CTNNA2: variants seen among roughly 807,000 people sequenced by gnomAD.
The protein encoded by CTNNA2 is catenin alpha-2.
A neutral mutation model predicts 101.0 loss-of-function variants in CTNNA2; 42 were observed. The observed-to-expected ratio is 0.42, with a 90% CI of 0.32 to 0.54. CTNNA2 has a LOEUF of 0.54. Ranked by LOEUF, CTNNA2 falls within the 20% of genes least tolerant of loss-of-function variation. The pLI is 0.14. For missense variants in CTNNA2, 871 were observed against 1,223.1 expected (o/e 0.71, Z 4.29); for synonymous variants, 450 against 456.4 (o/e 0.99, Z 0.18).
At chr2:80,634,065 G>A (rs1672588443) in intron 18 of CTNNA2, among the ~76,000 whole-genome samples, 1 of 152,166 alleles carries the variant, frequency 6.6e-6, no homozygotes, top group Non-Finnish European at 1.5e-5. Flanking sequence ...CTTTGGACAA[G>A]CCTTTCACGT....
intron 18 of CTNNA2, among the ~76,000 whole-genome samples, chr2:80,625,846 G>A (rs1042488390): frequency 5.9e-5 from 9 of 151,590 alleles, no homozygotes; most frequent in African/African-American, 1.9e-4. Context: ...TAGGATTTGG[G>A]GCCAAAAATC....
chr2:79,564,057 A>C (rs1674958043), intron 1 of CTNNA2, among the ~76,000 whole-genome samples: 2 of 152,118 alleles, frequency 1.3e-5, no homozygotes, highest in African/African-American at 2.4e-5. Context: ...CCACCATCCC[A>C]GTTTGGCTGT....
chr2:80,628,067 G>T (rs1268714330), intron 18 of CTNNA2, among the ~76,000 whole-genome samples: 1 of 152,014 alleles, frequency 6.6e-6, no homozygotes, highest in Non-Finnish European at 1.5e-5. Context: ...GGATATAAAG[G>T]ACCTCTTCAA....
At chr2:80,638,750 A>T (rs1673132941) in intron 18 of CTNNA2, among the ~76,000 whole-genome samples, 3 of 152,360 alleles carry the variant, frequency 2.0e-5, no homozygotes, top group South Asian at 2.1e-4. Context: ...AAAAATGCAA[A>T]TGAAGACAGT....
chr2:80,428,867 G>A (rs1681229581), intron 9 of CTNNA2, among the ~76,000 whole-genome samples: 1 of 152,000 alleles, frequency 6.6e-6, no homozygotes, highest in Non-Finnish European at 1.5e-5. Context: ...TACATTGATG[G>A]AATTGGACCT....
At chr2:79,797,397 A>G (rs911545907) in intron 3 of CTNNA2, among the ~76,000 whole-genome samples, 1 of 152,146 alleles carries the variant, frequency 6.6e-6, no homozygotes, top group African/African-American at 2.4e-5. Context: ...GTGATGGCTC[A>G]CAACTATAAT....
At position 79,734,656 on chromosome 2, in the gene CTNNA2, G is replaced by A. The variant is rs866628371; in HGVS notation, c.103-9731G>A. ...CTTTTAAGAAAGCAAGATGAATGTA[G>A]CACAAATAAGAGCCAGGATTGAGAC... is the stretch of plus-strand genomic sequence containing the variant. On this transcript the variant is annotated intron_variant, in intron 2 of 18. Coordinates refer to ENST00000402739, the MANE Select transcript of CTNNA2 (RefSeq NM_001282597.3). Among the ~76,000 whole-genome samples the A allele has an allele frequency of 1.1e-3, 166 of 152,152 alleles. 2 individuals carry two copies. Among genetic ancestry groups the A allele is most frequent in the Admixed American group, 3.1e-3 (48 of 15,284 alleles).
chr2:80,600,822 C>G (rs537624181), intron 15 of CTNNA2, among the ~76,000 whole-genome samples: 1 of 152,244 alleles, frequency 6.6e-6, no homozygotes, highest in South Asian at 2.1e-4. Flanking sequence ...ATCTACCAGC[C>G]TCTGCCTCCC....
At position 80,104,225 on chromosome 2, in the gene CTNNA2, C is replaced by A. The variant is rs553695797; in HGVS notation, c.1056+194428C>A. 8.5e-5 allele frequency among the ~76,000 whole-genome samples: 13 copies of A among 152,332 alleles called. No individual in the cohort carries two copies. In the South Asian group the frequency reaches 2.7e-3, roughly 32 times the overall value. ...TCAAGAGTTGGTTCTCCACTCGAAT[C>A]CTGCCCTTGCTACTCTTATTTATCA... On this transcript the variant is annotated intron_variant, in intron 7 of 18. Transcript: ENST00000402739.
Position 79,316,827 on chromosome 2 carries a change from A to G in CTNNA2, c.-318+4031A>G, listed in dbSNP as rs193261837. 2.5e-3 allele frequency among the ~76,000 whole-genome samples: 383 copies of G among 152,006 alleles called. 1 individual carries two copies. The highest frequency in any genetic ancestry group is 6.8e-3 in the Middle Eastern group (2 of 294). ...TGTGAATTTCATAAGATTTTTCTAT[A>G]TACGAGATCATGTCACCTGTATATA... On this transcript the variant is annotated intron_variant, in intron 3 of 21. Coordinates refer to the CTNNA2 transcript ENST00000466387.
intron 1 of CTNNA2, among the ~76,000 whole-genome samples, chr2:79,607,787 TCAGCACCCAACA>T (rs1677991489): frequency 6.6e-6 from 1 of 152,124 alleles, no homozygotes; most frequent in Non-Finnish European, 1.5e-5. Context: ...GAAGGGCAAC[TCAGCACCCAACA>T]CATATAAGAA....
rs546412937 is a variant in CTNNA2, at chr2:80,215,028, C to T, written c.1057-178183C>T. ...CATTTAACCTTCAATCACTGATACCCTTTCTTCCACTTGATCAAATCGGCT... is the reference window on the plus strand; with the variant it reads ...CATTTAACCTTCAATCACTGATACCTTTTCTTCCACTTGATCAAATCGGCT... On this transcript the variant is annotated intron_variant, in intron 7 of 18. Coordinates refer to ENST00000402739, the MANE Select transcript of CTNNA2 (RefSeq NM_001282597.3). 1.1e-3 allele frequency among the ~76,000 whole-genome samples: 170 copies of T among 152,272 alleles called. 2 individuals are homozygous for T. The highest frequency in any genetic ancestry group is 3.9e-3 in the African/African-American group (162 of 41,552).
At chr2:79,529,523 G>A (rs1460163307) in intron 1 of CTNNA2, among the ~76,000 whole-genome samples, 1 of 152,048 alleles carries the variant, frequency 6.6e-6, no homozygotes, top group Non-Finnish European at 1.5e-5. Context: ...AGCTGTGGAA[G>A]TAGATGAAAT....
At chr2:79,195,837 CTCAA>C (rs777431976) in intron 1 of CTNNA2, 4 of 514,476 alleles carry the variant, frequency 7.8e-6, no homozygotes, top group African/African-American at 1.9e-5. Flanking sequence ...ATACATATCA[CTCAA>C]TGAAAGTTCT....
At chr2:80,395,794 A>T (rs1023268465) in intron 8 of CTNNA2, among the ~76,000 whole-genome samples, 1 of 152,208 alleles carries the variant, frequency 6.6e-6, no homozygotes, top group African/African-American at 2.4e-5. Flanking sequence ...TCCCTCAGTG[A>T]TCATGTCCAC....
chr2:80,616,931 G>GAAAAT (rs747865976), intron 17 of CTNNA2, among the ~76,000 whole-genome samples: 11 of 151,572 alleles, frequency 7.3e-5, no homozygotes, highest in South Asian at 2.1e-4. Flanking sequence ...TTTTGCATTG[G>GAAAAT]GTTCCTGAAG....
intron 3 of CTNNA2, chr2:79,319,777 G>A (rs1368823518): frequency 6.6e-6 from 1 of 152,094 alleles, no homozygotes; most frequent in Non-Finnish European, 1.5e-5. Context: ...GAAAGTAAGA[G>A]GCATTTGAGA....
intron 3 of CTNNA2, among the ~76,000 whole-genome samples, chr2:79,338,987 T>C (rs934408330): frequency 6.6e-6 from 1 of 152,032 alleles, no homozygotes; most frequent in Non-Finnish European, 1.5e-5. Context: ...GGGGTGCTAG[T>C]GAGATTCCCA....
chr2:79,682,527 G>A (rs1238987194), intron 2 of CTNNA2, among the ~76,000 whole-genome samples: 1 of 151,538 alleles, frequency 6.6e-6, no homozygotes, highest in East Asian at 1.9e-4. Flanking sequence ...AAAAGGCTCT[G>A]TAGCTTTCAC....
Sources: allele counts gnomAD v4.1 joint callset (sites outside exome capture counted in the v4.1 genomes callset), GRCh38; gene constraint gnomAD v4.1.1; transcripts MANE v1.5; gene names NCBI Gene and HGNC (gene_info 2026-07-23, HGNC 2026-07-21).